The following ZNF70 variants were observed in gnomAD, a reference collection of about 807,000 sequenced individuals.
The protein encoded by ZNF70 is zinc finger protein 70, also known as zinc finger protein N27C7-1.
ZNF70 carries 18 observed loss-of-function variants against 37.7 expected under a neutral mutation model. The ratio of observed to expected loss-of-function variants is 0.48; its 90% CI spans 0.33 to 0.71. The LOEUF is 0.71. Among genes scored for constraint, ZNF70 ranks in the 30% least tolerant of loss-of-function variants. The pLI is 0.02. For synonymous variants in ZNF70, 219 were observed against 220.1 expected (o/e 0.99, Z 0.05); for missense variants, 506 against 568.6 (o/e 0.89, Z 1.12).
At chr22:23,747,748 C>T (rs561869463) in intron 1 of ZNF70, among the ~76,000 whole-genome samples, 3 of 152,196 alleles carry the variant, frequency 2.0e-5, no homozygotes, top group South Asian at 4.1e-4. Context: ...AGGAGAATGG[C>T]GTGAACTCAG....
In ZNF70 at chr22:23,739,984, G is replaced by A. The variant is rs575812596; in HGVS notation, c.*3816C>T. ...AAAACACCACGTCAAAACTTACGGA[G>A]TGCAGACAAAGCTGTCACTCTAAGG... On this transcript the variant is annotated 3_prime_UTR_variant, in exon 2 of 2. Coordinates refer to ENST00000341976, the MANE Select transcript of ZNF70 (RefSeq NM_021916.4). The A allele has an allele frequency of 1.1e-4, 16 of 151,942 alleles. No homozygotes were observed. The highest frequency in any genetic ancestry group is 3.6e-4 in the African/African-American group (15 of 41,414). 9.4% of individuals were successfully genotyped at this position (151,942 alleles called of 1,614,324 possible). A position where few individuals can be genotyped will look rare whatever the true frequency, so the allele number is the denominator to read the frequency against.
At chr22:23,749,776 C>G (rs1353603376) in intron 1 of ZNF70, among the ~76,000 whole-genome samples, 1 of 152,078 alleles carries the variant, frequency 6.6e-6, no homozygotes, top group Non-Finnish European at 1.5e-5. Flanking sequence ...CAACTCCTCT[C>G]ACCCTCCCCC....
In ZNF70 at chr22:23,744,412, C is replaced by T. The variant is rs146465773; in HGVS notation, c.729G>A (p.Glu243=). ...AAGGTCTCTCTCCTGTATGAATTCT[C>T]TCGTGTTTTCTGAGGCTGGAGCTCC... ...FSRSSSLRKH[E]RIHTGERPYQ... Residue 243 remains glutamate, a synonymous_variant, in exon 2 of 2, where the codon GAG becomes GAA. Coordinates refer to ENST00000341976, the MANE Select transcript of ZNF70 (RefSeq NM_021916.4). The T allele has an allele frequency of 2.6e-4, 412 of 1,614,096 alleles. 2 individuals carry two copies. In the Middle Eastern group the frequency reaches 2.8e-3, roughly 11 times the overall value.
chr22:23,746,201 CTTTTT>C (rs760293135), intron 1 of ZNF70, among the ~76,000 whole-genome samples: 1 of 114,228 alleles, frequency 8.8e-6, no homozygotes, highest in African/African-American at 3.2e-5. Context: ...TGGTGGTTCC[CTTTTT>C]TTTTTTTTTT....
Position 23,744,356 on chromosome 22 carries a change from T to C in ZNF70, c.785A>G (p.Asn262Ser). 2 of 1,614,132 alleles carry C rather than the reference T, an allele frequency of 1.2e-6. No individual in the cohort carries two copies. Among genetic ancestry groups the C allele is most frequent in the East Asian group, 2.2e-5 (1 of 44,878 alleles). Residue 262 changes from asparagine to serine, a missense_variant, in exon 2 of 2, where the codon AAC becomes AGC. By Grantham distance (46) the Asn-to-Ser change is conservative. Transcript: ENST00000341976. ...YQCKECGKSF[N>S]QSSGLSQHRK... ...ATGCTGGCTCAGGCCTGAGCTCTGG[T>C]TGAAGGATTTCCCACATTCCTTACA...
At chr22:23,747,811 G>A (rs1266318816) in intron 1 of ZNF70, among the ~76,000 whole-genome samples, 4 of 152,084 alleles carry the variant, frequency 2.6e-5, no homozygotes, top group East Asian at 1.9e-4. Flanking sequence ...GCAACAGAGT[G>A]AGACTCCGTC....
intron 1 of ZNF70, among the ~76,000 whole-genome samples, chr22:23,747,237 C>G (rs527394670): frequency 1.3e-5 from 2 of 152,316 alleles, no homozygotes; most frequent in South Asian, 4.2e-4. Flanking sequence ...AGGAACCAGG[C>G]CGCATAGCAG....
At position 23,743,645 on chromosome 22, in the gene ZNF70, C is replaced by T; in HGVS notation, c.*155G>A. On this transcript the variant is annotated 3_prime_UTR_variant, in exon 2 of 2. Transcript: ENST00000341976. The stretch of plus-strand genomic sequence containing the variant: ...AGCTGGCGTGCTTGGCCCAGGGCCA[C>T]ACAGGGCCTTCCTGCTAGTGGGATG... The T allele has an allele frequency of 1.1e-5, 13 of 1,141,428 alleles. No individual in the cohort carries two copies. The highest frequency in any genetic ancestry group is 1.6e-5 in the Non-Finnish European group (13 of 807,520). 70.7% of individuals were successfully genotyped at this position (1,141,428 alleles called of 1,614,324 possible). A position where few individuals can be genotyped will look rare whatever the true frequency, so the allele number is the denominator to read the frequency against.
rs770963520 is a variant in ZNF70 at position 23,744,400 on chromosome 22, T to G, written c.741A>C (p.Thr247=). ...SSLRKHERIH[T]GERPYQCKEC... ...CCTTACACTGATAAGGTCTCTCTCC[T>G]GTATGAATTCTCTCGTGTTTTCTGA... Residue 247 remains threonine, a synonymous_variant, in exon 2 of 2, where the codon ACA becomes ACC. Coordinates refer to ENST00000341976, the MANE Select transcript of ZNF70 (RefSeq NM_021916.4). The G allele has an allele frequency of 6.2e-7, 1 of 1,614,020 alleles. No homozygotes were observed. The highest frequency in any genetic ancestry group is 1.7e-5 in the Admixed American group (1 of 60,002).
chr22:23,744,886 G>C lies in ZNF70; in HGVS notation c.255C>G (p.Pro85=). Residue 85 remains proline (P), a synonymous_variant, in exon 2 of 2, where the codon CCC becomes CCG. Coordinates refer to ENST00000341976, the MANE Select transcript of ZNF70 (RefSeq NM_021916.4). ...TTTGTCCGAAGAGCTCATCATCCTG[G>C]GGTCTGGTTCCTGGGGGGATACTTT... ...QHQSIPPGTR[P]QDDELFGQTF... is the part of the protein sequence containing the mutation. The C allele has an allele frequency of 1.2e-6, 2 of 1,614,206 alleles. No individual in the cohort carries two copies. The highest frequency in any genetic ancestry group is 2.2e-5 in the East Asian group (1 of 44,892).
chr22:23,749,977 C>T (rs1357018252), intron 1 of ZNF70, among the ~76,000 whole-genome samples: 1 of 152,210 alleles, frequency 6.6e-6, no homozygotes, highest in Non-Finnish European at 1.5e-5. Flanking sequence ...ATGCTCCTCA[C>T]CTCCTCGTCC....
Position 23,744,169 on chromosome 22 carries a change from A to G in ZNF70, c.972T>C (p.Ile324=), listed in dbSNP as rs1195437395. 1 of 1,613,636 alleles carries G rather than the reference A, an allele frequency of 6.2e-7. No homozygotes were observed. The highest frequency in any genetic ancestry group is 1.1e-5 in the South Asian group (1 of 91,058). Residue 324 remains isoleucine (I), a synonymous_variant, in exon 2 of 2, where the codon ATT becomes ATC. Coordinates refer to ENST00000341976, the MANE Select transcript of ZNF70 (RefSeq NM_021916.4). ...CGCCAGTGTGGGTCTTGCGGTGCTC[A>G]ATGAGGTTGGAGCTCTGGCTGAAGG... ...GKAFSQSSNL[I]EHRKTHTGEK... is the part of the protein sequence containing the mutation.
At position 23,744,890 on chromosome 22, in the gene ZNF70, C is replaced by A. The variant is rs550938043; in HGVS notation, c.251G>T (p.Arg84Ile). ...TCCGAAGAGCTCATCATCCTGGGGT[C>A]TGGTTCCTGGGGGGATACTTTGATG... Reference protein sequence around the residue: ...VQHQSIPPGTRPQDDELFGQT... With the variant: ...VQHQSIPPGTIPQDDELFGQT... The change falls in exon 2 of 2, where the codon AGA (arginine) becomes ATA (isoleucine). Residue 84 changes from arginine to isoleucine, a missense_variant. By Grantham distance (97) the Arg-to-Ile change is moderately conservative. Transcript: ENST00000341976. The A allele has an allele frequency of 3.7e-6, 6 of 1,614,240 alleles. No individual in the cohort carries two copies. The African/African-American group carries it at 8.0e-5, about 22-fold the overall frequency.
Position 23,744,835 on chromosome 22 carries a change from G to A in ZNF70, c.306C>T (p.Ser102=). 6.2e-7 allele frequency: 1 copy of A among 1,614,230 alleles called. No individual in the cohort carries two copies. The highest frequency in any genetic ancestry group is 1.3e-5 in the African/African-American group (1 of 75,050). The stretch of plus-strand genomic sequence containing the variant: ...CTTCACTGTGGATTATCTGACACAT[G>A]CTGAGGTCGGATTTCTGGAGGAAGG... The part of the protein sequence containing the change: ...GQTFLQKSDL[S]MCQIIHSEEP... Residue 102 remains serine (S), a synonymous_variant, in exon 2 of 2, where the codon AGC becomes AGT. Coordinates refer to ENST00000341976, the MANE Select transcript of ZNF70 (RefSeq NM_021916.4).
rs1019045711 is a variant in ZNF70 at position 23,740,837 on chromosome 22, C to T, written c.*2963G>A. 1 of 150,916 alleles carries T rather than the reference C, an allele frequency of 6.6e-6. No individual in the cohort carries two copies. The highest frequency in any genetic ancestry group is 2.4e-5 in the African/African-American group (1 of 41,002). 9.3% of individuals were successfully genotyped at this position (150,916 alleles called of 1,614,324 possible). A position where few individuals can be genotyped will look rare whatever the true frequency, so the allele number is the denominator to read the frequency against. On this transcript the variant is annotated 3_prime_UTR_variant, in exon 2 of 2. Transcript: ENST00000341976. Reference sequence around the variant, plus strand: ...GGGAATGAGGCTCTGGTCATACTTCCAAAAAAGAACCTGGTCTTACCATGT... The same window carrying T: ...GGGAATGAGGCTCTGGTCATACTTCTAAAAAAGAACCTGGTCTTACCATGT...
At position 23,738,769 on chromosome 22, in the gene ZNF70, C is replaced by T. The variant is rs143593989; in HGVS notation, c.*5031G>A. On this transcript the variant is annotated 3_prime_UTR_variant, in exon 2 of 2. Transcript: ENST00000341976. ...TGAGAAAAACTGCACAACATAGCGACAATACACATACAGAAATTAAAAGTG... is the reference window on the plus strand; with the variant it reads ...TGAGAAAAACTGCACAACATAGCGATAATACACATACAGAAATTAAAAGTG... 6.6e-6 allele frequency: 1 copy of T among 152,082 alleles called. No homozygotes were observed. The highest frequency in any genetic ancestry group is 1.5e-5 in the Non-Finnish European group (1 of 68,034). 9.4% of individuals were successfully genotyped at this position (152,082 alleles called of 1,614,324 possible). A position where few individuals can be genotyped will look rare whatever the true frequency, so the allele number is the denominator to read the frequency against.
At chr22:23,746,201 C>CTTTTTTTTT (rs760293135) in intron 1 of ZNF70, among the ~76,000 whole-genome samples, 4 of 114,196 alleles carry the variant, frequency 3.5e-5, no homozygotes, top group Non-Finnish European at 3.6e-5. Flanking sequence ...TGGTGGTTCC[C>CTTTTTTTTT]TTTTTTTTTT....
Position 23,744,642 on chromosome 22 carries a change from G to C in ZNF70, c.499C>G (p.Pro167Ala), listed in dbSNP as rs368953827. ...RHLVIHTGEK[P>A]YECCECGKAF... ...TTCCCGCACTCACAGCACTCATAGG[G>C]CTTCTCCCCAGTGTGGATCACCAGG... The change falls in exon 2 of 2, where the codon CCC becomes GCC. Residue 167 changes from proline (P) to alanine (A), a missense_variant. Coordinates refer to ENST00000341976, the MANE Select transcript of ZNF70 (RefSeq NM_021916.4). The C allele has an allele frequency of 1.5e-5, 25 of 1,614,018 alleles. No individual in the cohort carries two copies. The highest frequency in any genetic ancestry group is 1.8e-5 in the Non-Finnish European group (21 of 1,179,994).
chr22:23,744,074 C>T lies in ZNF70; in HGVS notation c.1067G>A (p.Arg356His), dbSNP rs147490276. The T allele has an allele frequency of 9.4e-5, 152 of 1,611,866 alleles. 1 individual carries two copies. The highest frequency in any genetic ancestry group is 1.1e-4 in the Non-Finnish European group (131 of 1,179,302). Residue 356 changes from arginine to histidine, a missense_variant, in exon 2 of 2, where the codon CGC becomes CAC. Physicochemically the swap from Arg to His is conservative, Grantham distance 29 (BLOSUM62 0). Transcript: ENST00000341976. ...SQSSSLIEHQ[R>H]IHTGEKPYEC... The stretch of plus-strand genomic sequence containing the variant: ...GTAGGGCTTCTCACCGGTGTGGATG[C>T]GCTGGTGCTCAATGAGGGAGGAGCT...
Sources: allele counts gnomAD v4.1 joint callset (sites outside exome capture counted in the v4.1 genomes callset), GRCh38; gene constraint gnomAD v4.1.1; transcripts MANE v1.5; gene names NCBI Gene and HGNC (gene_info 2026-07-23, HGNC 2026-07-21).